Variants in GREB1L observed in about 807,000 individuals in gnomAD.
GREB1L encodes GREB1-like protein.
In GREB1L, 17 loss-of-function variants were observed where a neutral mutation model predicts 200.8. That is an observed-to-expected ratio of 0.08 (90% CI 0.06 to 0.13). The LOEUF is 0.13. Among genes scored for constraint, GREB1L ranks in the 10% least tolerant of loss-of-function variants. GREB1L has a pLI of 1.00. For synonymous variants in GREB1L, 789 were observed against 893.0 expected (o/e 0.88, Z 2.08); for missense variants, 1,657 against 2,367.7 (o/e 0.70, Z 6.23).
chr18:21,334,267 C>T (rs920680676), intron 1 of GREB1L, among the ~76,000 whole-genome samples: 3 of 152,090 alleles, frequency 2.0e-5, no homozygotes, highest in Non-Finnish European at 2.9e-5. Flanking sequence ...TTTAATTCCA[C>T]TTGGTATCAG....
At chr18:21,318,696 A>C (rs963429612) in intron 1 of GREB1L, among the ~76,000 whole-genome samples, 5 of 152,220 alleles carry the variant, frequency 3.3e-5, no homozygotes, top group African/African-American at 9.6e-5. Flanking sequence ...TGTATTCCAA[A>C]AACAATCTGT....
At chr18:21,325,804 A>C (rs1209880847) in intron 1 of GREB1L, among the ~76,000 whole-genome samples, 1 of 125,522 alleles carries the variant, frequency 8.0e-6, no homozygotes, top group African/African-American at 3.1e-5. Flanking sequence ...ACAGAGCAAG[A>C]CCTTGTCTCA....
At chr18:21,330,665 A>G (rs1437144863) in intron 1 of GREB1L, among the ~76,000 whole-genome samples, 1 of 152,154 alleles carries the variant, frequency 6.6e-6, no homozygotes, top group African/African-American at 2.4e-5. Context: ...GTTTTCTTCC[A>G]CTGAGGGGGG....
Position 21,522,756 on chromosome 18 carries a change from G to A in GREB1L, c.5707G>A (p.Glu1903Lys), listed in dbSNP as rs1168976920. The A allele has an allele frequency of 7.7e-6, 12 of 1,551,540 alleles. No homozygotes were observed. The highest frequency in any genetic ancestry group is 2.0e-5 in the Admixed American group (1 of 50,976). The change falls in exon 33 of 33, where the codon GAG becomes AAG. Residue 1903 changes from glutamate to lysine, a missense_variant. By Grantham distance (56) the Glu-to-Lys change is moderately conservative. Around this residue, in one of 9 missense-constraint regions of GREB1L, gnomAD observed 190 missense variants for 230.2 expected, o/e 0.83. Coordinates refer to ENST00000424526, the MANE Select transcript of GREB1L (RefSeq NM_001142966.3). The part of the protein sequence containing the change: ...EDEWQFRLRD[E>K]FQTANSSDDK... ...TGAGTGGCAGTTCCGCCTCCGGGACGAGTTTCAAACTGCTAACAGCAGTGA... is the reference window on the plus strand; with the variant it reads ...TGAGTGGCAGTTCCGCCTCCGGGACAAGTTTCAAACTGCTAACAGCAGTGA...
At chr18:21,406,023 G>A (rs2030173290) in intron 7 of GREB1L, among the ~76,000 whole-genome samples, 1 of 138,892 alleles carries the variant, frequency 7.2e-6, no homozygotes, top group Non-Finnish European at 1.5e-5. Context: ...TACCACCACA[G>A]CACTCTGGCC....
chr18:21,291,789 C>T (rs570988433), intron 1 of GREB1L, among the ~76,000 whole-genome samples: 6 of 152,242 alleles, frequency 3.9e-5, no homozygotes, highest in South Asian at 2.1e-4. Context: ...TGGTGGCTCA[C>T]GCGTGGAACC....
At chr18:21,482,168 T>C (rs1403611112) in intron 17 of GREB1L, among the ~76,000 whole-genome samples, 1 of 152,248 alleles carries the variant, frequency 6.6e-6, no homozygotes, top group Non-Finnish European at 1.5e-5. Flanking sequence ...GTACATTTTC[T>C]AGGATTTGTT....
intron 4 of GREB1L, among the ~76,000 whole-genome samples, chr18:21,386,014 G>C (rs1324091950): frequency 6.6e-6 from 1 of 152,146 alleles, no homozygotes; most frequent in Non-Finnish European, 1.5e-5. Flanking sequence ...GAGATAGCCA[G>C]TATTTCTTAA....
At chr18:21,407,308 G>A (rs1341984392) in intron 7 of GREB1L, among the ~76,000 whole-genome samples, 1 of 152,160 alleles carries the variant, frequency 6.6e-6, no homozygotes, top group Admixed American at 6.5e-5. Context: ...CATAGATGAT[G>A]TTTAATCGGG....
At chr18:21,402,926 A>T (rs1250699990) in intron 6 of GREB1L, among the ~76,000 whole-genome samples, 1 of 151,240 alleles carries the variant, frequency 6.6e-6, no homozygotes, top group Admixed American at 6.6e-5. Flanking sequence ...TTATATATAT[A>T]CACATATAAT....
At chr18:21,322,211 AAAAT>A (rs1419641012) in intron 1 of GREB1L, among the ~76,000 whole-genome samples, 1 of 152,216 alleles carries the variant, frequency 6.6e-6, no homozygotes, top group Non-Finnish European at 1.5e-5. Context: ...AAACTAGAGG[AAAAT>A]AAATCATTTA....
intron 23 of GREB1L, among the ~76,000 whole-genome samples, chr18:21,501,228 G>A (rs1393081330): frequency 6.6e-6 from 1 of 151,468 alleles, no homozygotes; most frequent in Non-Finnish European, 1.5e-5. Flanking sequence ...TGGGCAAAAA[G>A]GCGTTTTGGT....
chr18:21,470,709 C>T (rs1269608686), intron 15 of GREB1L, among the ~76,000 whole-genome samples: 2 of 151,764 alleles, frequency 1.3e-5, no homozygotes, highest in Non-Finnish European at 2.9e-5. Context: ...ATATATATAT[C>T]TCAGGATATA....
intron 1 of GREB1L, among the ~76,000 whole-genome samples, chr18:21,270,855 C>T (rs1280643557): frequency 6.6e-6 from 1 of 152,172 alleles, no homozygotes; most frequent in Non-Finnish European, 1.5e-5. Flanking sequence ...GCATTGTGTA[C>T]TCAACCGAGT....
intron 15 of GREB1L, among the ~76,000 whole-genome samples, chr18:21,463,162 T>C (rs1292628471): frequency 2.1e-5 from 3 of 143,110 alleles, no homozygotes; most frequent in Admixed American, 7.0e-5. Context: ...TTTTTTTTTT[T>C]TGAGATGGAG....
chr18:21,468,875 A>C (rs2035371907), intron 15 of GREB1L: 3 of 433,890 alleles, frequency 6.9e-6, no homozygotes, highest in African/African-American at 6.1e-5. Context: ...TTTTCTCACA[A>C]TTAAATTGAG....
intron 1 of GREB1L, among the ~76,000 whole-genome samples, chr18:21,297,245 G>A (rs1318833954): frequency 6.6e-6 from 1 of 152,130 alleles, no homozygotes; most frequent in Non-Finnish European, 1.5e-5. Flanking sequence ...GTTGCAGAGG[G>A]CCTGATTACC....
At position 21,522,679 on chromosome 18, in the gene GREB1L, G is replaced by A. The variant is rs1367321074; in HGVS notation, c.5630G>A (p.Cys1877Tyr). 1 of 1,551,580 alleles carries A rather than the reference G, an allele frequency of 6.4e-7. No individual in the cohort carries two copies. ...FLKGATLCVI[C>Y]QDRSSLRQTI... Reference sequence around the variant, plus strand: ...GAAGGTGCTACACTGTGTGTCATCTGCCAAGACAGAAGTTCCTTGCGCCAA... The same window carrying A: ...GAAGGTGCTACACTGTGTGTCATCTACCAAGACAGAAGTTCCTTGCGCCAA... The change falls in exon 33 of 33, where the codon TGC becomes TAC. Residue 1877 changes from cysteine (C) to tyrosine (Y), a missense_variant. By Grantham distance (194) the Cys-to-Tyr change is radical. Coordinates refer to ENST00000424526, the MANE Select transcript of GREB1L (RefSeq NM_001142966.3).
intron 1 of GREB1L, among the ~76,000 whole-genome samples, chr18:21,262,396 G>T (rs1186191658): frequency 7.9e-5 from 12 of 151,972 alleles, no homozygotes; most frequent in Non-Finnish European, 1.0e-4. Context: ...GACCTTATGG[G>T]GTTACTTATG....
Sources: gnomAD v4.1 joint callset for allele counts (sites outside exome capture counted in the v4.1 genomes callset) on GRCh38, gnomAD v4.1.1 for gene constraint, gnomAD v4.1.1 regional missense constraint, MANE v1.5 for transcripts, NCBI Gene and HGNC (gene_info 2026-07-23, HGNC 2026-07-21) for gene names.